RHD: variants seen among roughly 807,000 people sequenced by gnomAD.
The protein encoded by RHD is blood group Rh(D) polypeptide.
RHD carries 16 observed loss-of-function variants against 45.5 expected under a neutral mutation model. That is an observed-to-expected ratio of 0.35 (90% CI 0.24 to 0.53). The LOEUF (loss-of-function observed/expected upper bound fraction) is 0.53, where lower values mean the gene tolerates loss of function less well. RHD is among the 20% of genes least tolerant of loss of function. The pLI is 0.92. For synonymous variants in RHD, 131 were observed against 217.5 expected, an observed-to-expected ratio of 0.60 and a Z score of 3.50; for missense variants, 306 against 532.0, an observed-to-expected ratio of 0.58 and a Z score of 4.18.
At chr1:25,297,219 G>A (rs1385372361) in intron 3 of RHD, among the ~76,000 whole-genome samples, 1 of 87,128 alleles carries the variant, frequency 1.1e-5, no homozygotes, top group African/African-American at 3.7e-5. Flanking sequence ...TAGAATGTGG[G>A]TTTGTCTGCT....
chr1:25,284,579 A>T lies in RHD; in HGVS notation c.155A>T (p.Gln52Leu). Residue 52 changes from glutamine (Q) to leucine (L), a missense_variant, in exon 2 of 10, where the codon CAA (glutamine) becomes CTA (leucine). Gln to Leu is a moderately radical substitution (Grantham distance 113). Transcript: ENST00000328664. ...CCATCTCCCCACCGAGCAGTTGGCC[A>T]AGATCTGACCGTGATGGCGGCCATT... ...KGLVASYQVG[Q>L]DLTVMAAIGL... 2 of 1,389,114 alleles carry T rather than the reference A, an allele frequency of 1.4e-6. No homozygotes were observed. Among genetic ancestry groups the T allele is most frequent in the Non-Finnish European group, 2.0e-6 (2 of 985,418 alleles). 86.0% of individuals were successfully genotyped at this position (1,389,114 alleles called of 1,614,324 possible).
intron 6 of RHD, chr1:25,304,317 A>G (rs1643623024): frequency 8.7e-6 from 1 of 114,918 alleles, no homozygotes; most frequent in Non-Finnish European, 2.0e-5. Context: ...CCAACCTAAA[A>G]TTAGGAAAAA....
chr1:25,305,044 G>T (rs1292401573), intron 6 of RHD, among the ~76,000 whole-genome samples: 2 of 132,538 alleles, frequency 1.5e-5, no homozygotes, highest in Non-Finnish European at 3.6e-5. Flanking sequence ...TTTAGTGAGC[G>T]AAATGGATAC....
chr1:25,282,839 G>A lies in RHD; in HGVS notation c.149-1734G>A, dbSNP rs537573442. ...GAACCCGGGAGGTGGAGGTTGCAGC[G>A]AGCCGAGATCGCACCACTGCACTCC... On this transcript the variant is annotated intron_variant, in intron 1 of 9. Transcript: ENST00000328664. Among the ~76,000 whole-genome samples the A allele has an allele frequency of 2.1e-3, 276 of 129,620 alleles. 72 individuals carry two copies. Among genetic ancestry groups the A allele is most frequent in the Non-Finnish European group, 4.3e-3 (237 of 54,756 alleles). The allele number at this position is 129,620 out of a possible 152,430, so 85.0% of individuals were successfully genotyped here. A position where few individuals can be genotyped will look rare whatever the true frequency, so the allele number is the denominator to read the frequency against.
chr1:25,291,502 AT>A lies in RHD; in HGVS notation c.486+713del, dbSNP rs1642505493. 3.8e-5 allele frequency among the ~76,000 whole-genome samples: 5 copies of A among 130,968 alleles called. 1 individual carries two copies. In the South Asian group the frequency reaches 1.2e-3, roughly 31 times the overall value. The allele number at this position is 130,968 out of a possible 152,430, so 85.9% of individuals were successfully genotyped here. ...AAATAAAGAAAAAAGAAAAGAAAAG[AT>A]TGATAGATAGATAGATATCCAAATG... On this transcript the variant is annotated intron_variant, in intron 3 of 9. Transcript: ENST00000328664.
chr1:25,292,434 G>C (rs1642590211), intron 3 of RHD, among the ~76,000 whole-genome samples: 3 of 132,278 alleles, frequency 2.3e-5, no homozygotes, highest in African/African-American at 7.7e-5. Context: ...GGAAGTGGTT[G>C]GATCCTGACT....
rs1274625013 is a variant in RHD at position 25,329,618 on chromosome 1, A to C, written c.*694A>C. 2.2e-5 allele frequency: 3 copies of C among 137,576 alleles called. 1 individual carries two copies. Among genetic ancestry groups the C allele is most frequent in the African/African-American group, 7.9e-5 (3 of 37,928 alleles). 8.5% of individuals were successfully genotyped at this position (137,576 alleles called of 1,614,324 possible). The stretch of plus-strand genomic sequence containing the variant: ...ATGACTGCAATCATGTGCTTCATAG[A>C]AACTTAATTAGATTATACCACTAGA... On this transcript the variant is annotated 3_prime_UTR_variant, in exon 10 of 10. Coordinates refer to ENST00000328664, the MANE Select transcript of RHD (RefSeq NM_016124.6).
At chr1:25,293,186 G>C (rs562745446) in intron 3 of RHD, among the ~76,000 whole-genome samples, 1 of 130,786 alleles carries the variant, frequency 7.6e-6, no homozygotes, top group East Asian at 2.0e-4. Flanking sequence ...GCTATAAAGG[G>C]GAACAGAGAA....
intron 2 of RHD, among the ~76,000 whole-genome samples, chr1:25,287,630 GTTGT>G (rs1374397817): frequency 7.4e-6 from 1 of 135,526 alleles, no homozygotes; most frequent in Non-Finnish European, 1.8e-5. Context: ...ATTCAACGTT[GTTGT>G]TTGTTTTCCT....
In RHD at chr1:25,329,083, C is replaced by T. The variant is rs1485509739; in HGVS notation, c.*159C>T. 1 of 1,307,060 alleles carries T rather than the reference C, an allele frequency of 7.7e-7. No individual in the cohort carries two copies. Among genetic ancestry groups the T allele is most frequent in the Non-Finnish European group, 1.1e-6 (1 of 921,730 alleles). The allele number at this position is 1,307,060 out of a possible 1,614,324, so 81.0% of individuals were successfully genotyped here. Reference sequence around the variant, plus strand: ...AAATGGAGTTGAATCCTTTCTCTGCCACTCTTTGAGGAGAATCTCACCATT... The same window carrying T: ...AAATGGAGTTGAATCCTTTCTCTGCTACTCTTTGAGGAGAATCTCACCATT... On this transcript the variant is annotated 3_prime_UTR_variant, in exon 10 of 10. Transcript: ENST00000328664.
rs1396582523 is a variant in RHD at position 25,301,608 on chromosome 1, C to G, written c.723C>G (p.Thr241=). Residue 241 remains threonine (T), a synonymous_variant, in exon 5 of 10, where the codon ACC becomes ACG. Coordinates refer to ENST00000328664, the MANE Select transcript of RHD (RefSeq NM_016124.6). ...AAAGGAAGAATGCCGTGTTCAACACCTACTATGCTGTAGCAGTCAGCGTGG... is the reference window on the plus strand; with the variant it reads ...AAAGGAAGAATGCCGTGTTCAACACGTACTATGCTGTAGCAGTCAGCGTGG... ...PIERKNAVFN[T]YYAVAVSVVT... 2 of 1,380,120 alleles carry G rather than the reference C, an allele frequency of 1.4e-6. No individual in the cohort carries two copies. Among genetic ancestry groups the G allele is most frequent in the Admixed American group, 1.8e-5 (1 of 56,508 alleles). The allele number at this position is 1,380,120 out of a possible 1,614,324, so 85.5% of individuals were successfully genotyped here. A position where few individuals can be genotyped will look rare whatever the true frequency, so the allele number is the denominator to read the frequency against.
intron 6 of RHD, chr1:25,304,816 GA>G (rs1228075429): frequency 1.5e-5 from 2 of 131,522 alleles, no homozygotes; most frequent in African/African-American, 5.2e-5. Flanking sequence ...CTCTGGCTTT[GA>G]AACCCTGAAA....
At chr1:25,322,774 C>G (rs571958291) in intron 9 of RHD, among the ~76,000 whole-genome samples, 2 of 121,246 alleles carry the variant, frequency 1.6e-5, no homozygotes, top group Non-Finnish European at 2.0e-5. Flanking sequence ...CTTTATTAGC[C>G]GGCGACCTAG....
rs1225876530 is a variant in RHD, at chr1:25,330,427, T to C, written c.*1503T>C. On this transcript the variant is annotated 3_prime_UTR_variant, in exon 10 of 10. Transcript: ENST00000328664. ...TTACATAATACTTGAAAAATAAAAA[T>C]GAACAAGCTAACAAACTACCAAGTT... The C allele has an allele frequency of 1.5e-5, 2 of 133,168 alleles. 1 individual carries two copies. The highest frequency in any genetic ancestry group is 5.1e-5 in the African/African-American group (2 of 39,044). 8.2% of individuals were successfully genotyped at this position (133,168 alleles called of 1,614,324 possible). A position where few individuals can be genotyped will look rare whatever the true frequency, so the allele number is the denominator to read the frequency against.
At chr1:25,305,990 G>A (rs1251417235) in intron 6 of RHD, among the ~76,000 whole-genome samples, 1 of 132,102 alleles carries the variant, frequency 7.6e-6, no homozygotes, top group Non-Finnish European at 1.8e-5. Context: ...GCTGGCTCAC[G>A]GCTGTGTGGG....
chr1:25,303,512 G>A lies in RHD; in HGVS notation c.939+53G>A, dbSNP rs1205859989. 2.0e-4 allele frequency: 278 copies of A among 1,359,692 alleles called. 78 individuals are homozygous for A. The highest frequency in any genetic ancestry group is 2.7e-4 in the Non-Finnish European group (263 of 962,828). The allele number at this position is 1,359,692 out of a possible 1,614,324, so 84.2% of individuals were successfully genotyped here. A position where few individuals can be genotyped will look rare whatever the true frequency, so the allele number is the denominator to read the frequency against. The stretch of plus-strand genomic sequence containing the variant: ...TGCTTTGGCTGAAGGCCAGCAGGAC[G>A]CTGGGACCTGATGGGCCACTGTGCA... On this transcript the variant is annotated intron_variant, in intron 6 of 9. Transcript: ENST00000328664.
rs566142941 is a variant in RHD, at chr1:25,282,110, T to C, written c.149-2463T>C. 3.0e-5 allele frequency among the ~76,000 whole-genome samples: 4 copies of C among 132,674 alleles called. 1 individual carries two copies. In the East Asian group the frequency reaches 7.8e-4, roughly 26 times the overall value. The allele number at this position is 132,674 out of a possible 152,430, so 87.0% of individuals were successfully genotyped here. On this transcript the variant is annotated intron_variant, in intron 1 of 9. Transcript: ENST00000328664. ...GCCAGTCACTGTACTAAACATTATT[T>C]CCTTTGGATTTCCCAGAAACCTCTC...
At chr1:25,283,455 C>G (rs1369046397) in intron 1 of RHD, among the ~76,000 whole-genome samples, 1 of 130,780 alleles carries the variant, frequency 7.6e-6, no homozygotes. Context: ...CACTTGAACC[C>G]AGGAGGCAGA....
rs116047656 is a variant in RHD at position 25,299,439 on chromosome 1, A to G, written c.487-1507A>G. On this transcript the variant is annotated intron_variant, in intron 3 of 9. Transcript: ENST00000328664. ...GCAGACAGACTTTTTAGTTGGCTTTAGAATTCTTAGACACCCTCTACAGAC... is the reference window on the plus strand; with the variant it reads ...GCAGACAGACTTTTTAGTTGGCTTTGGAATTCTTAGACACCCTCTACAGAC... Among the ~76,000 whole-genome samples the G allele has an allele frequency of 7.1e-3, 931 of 130,996 alleles. 92 individuals are homozygous for G. The highest frequency in any genetic ancestry group is 0.022 in the African/African-American group (841 of 38,040). 85.9% of individuals were successfully genotyped at this position (130,996 alleles called of 152,430 possible). A position where few individuals can be genotyped will look rare whatever the true frequency, so the allele number is the denominator to read the frequency against.
Sources: allele counts gnomAD v4.1 joint callset (sites outside exome capture counted in the v4.1 genomes callset), GRCh38; gene constraint gnomAD v4.1.1; transcripts MANE v1.5; gene names NCBI Gene and HGNC (gene_info 2026-07-23, HGNC 2026-07-21).